Variants in ACSL1 observed in about 807,000 individuals in gnomAD.
ACSL1 encodes long-chain-fatty-acid--CoA ligase 1.
Under a neutral mutation model 98.4 loss-of-function variants are expected in ACSL1, and 41 were observed. That is an observed-to-expected ratio of 0.42 (90% CI 0.32 to 0.54). The LOEUF is 0.54. Ranked by LOEUF, ACSL1 falls within the 20% of genes least tolerant of loss-of-function variation. The probability of loss-of-function intolerance (pLI) is 0.13; values close to 1 mark genes in which losing one functional copy is unlikely to be tolerated. For missense variants in ACSL1, 734 were observed against 883.1 expected, an observed-to-expected ratio of 0.83 and a Z score of 2.14; for synonymous variants, 316 against 322.7, an observed-to-expected ratio of 0.98 and a Z score of 0.22.
chr4:184,760,133 A>T (rs1436745679), intron 18 of ACSL1, among the ~76,000 whole-genome samples: 1 of 152,156 alleles, frequency 6.6e-6, no homozygotes, highest in Non-Finnish European at 1.5e-5. Flanking sequence ...GGTACATCAG[A>T]CCTCTCTAAG....
chr4:184,821,031 A>T (rs1171278349), intron 1 of ACSL1: 1 of 456,122 alleles, frequency 2.2e-6, no homozygotes, highest in South Asian at 1.5e-5. Flanking sequence ...CTGTTCCTTT[A>T]TCTTGTGTAC....
Position 184,766,882 on chromosome 4 carries a change from T to C in ACSL1, c.1129-126A>G, listed in dbSNP as rs940224687. The C allele has an allele frequency of 2.7e-6, 3 of 1,117,370 alleles. No individual in the cohort carries two copies. Among genetic ancestry groups the C allele is most frequent in the Admixed American group, 2.7e-5 (1 of 37,220 alleles). 69.2% of individuals were successfully genotyped at this position (1,117,370 alleles called of 1,614,324 possible). Reference sequence around the variant, plus strand: ...AAATGGCACAGCTGCTCTGACAGCCTGGCCGGTCCTCTAACGGCCCCACAT... The same window carrying C: ...AAATGGCACAGCTGCTCTGACAGCCCGGCCGGTCCTCTAACGGCCCCACAT... On this transcript the variant is annotated intron_variant, in intron 12 of 20. Transcript: ENST00000281455. This position sits in a 1 kb window ranked among gnomAD's most constrained non-coding sequence, Gnocchi z 4.8.
rs189995873 is a variant in ACSL1, at chr4:184,779,949, C to T, written c.477+383G>A. 4.0e-3 allele frequency among the ~76,000 whole-genome samples: 607 copies of T among 151,784 alleles called. 3 individuals carry two copies. The highest frequency in any genetic ancestry group is 5.4e-3 in the Non-Finnish European group (366 of 67,906). ...GTGCAATGGCACAATCTTGGCTCAC[C>T]GCAACCTCTGCCTCCCGGATTCAAG... On this transcript the variant is annotated intron_variant, in intron 5 of 20. Transcript: ENST00000281455.
rs1561233965 is a variant in ACSL1 at position 184,803,300 on chromosome 4, AGGCTG to A, written c.195+15_195+19del. The A allele has an allele frequency of 1.3e-6, 2 of 1,532,032 alleles. No individual in the cohort carries two copies. The highest frequency in any genetic ancestry group is 2.8e-5 in the African/African-American group (2 of 72,320). The allele number at this position is 1,532,032 out of a possible 1,614,324, so 94.9% of individuals were successfully genotyped here. A position where few individuals can be genotyped will look rare whatever the true frequency, so the allele number is the denominator to read the frequency against. On this transcript the variant is annotated intron_variant, in intron 2 of 20. Coordinates refer to ENST00000281455, the MANE Select transcript of ACSL1 (RefSeq NM_001995.5). The surrounding 1 kb of genome is among the most constrained non-coding windows in gnomAD (Gnocchi z 4.8). Reference sequence around the variant, plus strand: ...GAAATGCGGAGAAAACGCACGAGGCAGGCTGGGCCCTCCACTCACCGCCACTTCCA... The same window carrying A: ...GAAATGCGGAGAAAACGCACGAGGCAGGCCCTCCACTCACCGCCACTTCCA...
At chr4:184,817,647 G>A (rs777585832) in intron 1 of ACSL1, among the ~76,000 whole-genome samples, 1 of 152,138 alleles carries the variant, frequency 6.6e-6, no homozygotes, top group Non-Finnish European at 1.5e-5. Flanking sequence ...GGAGGCAGAG[G>A]GACAGTGCCT....
chr4:184,811,189 A>C (rs978623605), intron 1 of ACSL1, among the ~76,000 whole-genome samples: 1 of 150,912 alleles, frequency 6.6e-6, no homozygotes, highest in Non-Finnish European at 1.5e-5. Flanking sequence ...GCTCACTGCA[A>C]GCTCCGCCTT....
chr4:184,804,308 G>A (rs371051572), intron 1 of ACSL1, among the ~76,000 whole-genome samples: 25 of 152,312 alleles, frequency 1.6e-4, no homozygotes, highest in African/African-American at 5.1e-4. Context: ...AGCCGGACGC[G>A]GTGGCTCATG....
chr4:184,801,537 T>A (rs1770520706), intron 2 of ACSL1, among the ~76,000 whole-genome samples: 1 of 152,222 alleles, frequency 6.6e-6, no homozygotes, highest in African/African-American at 2.4e-5. Flanking sequence ...GCCCTAGGTG[T>A]CCACAGGATG....
chr4:184,783,378 G>T (rs987992019), intron 4 of ACSL1, among the ~76,000 whole-genome samples: 2 of 152,146 alleles, frequency 1.3e-5, no homozygotes, highest in African/African-American at 4.8e-5. Context: ...CAGCTGCCTG[G>T]GGGTAAGTGT....
At chr4:184,771,363 T>C (rs1764486145) in intron 10 of ACSL1, among the ~76,000 whole-genome samples, 1 of 152,076 alleles carries the variant, frequency 6.6e-6, no homozygotes, top group Admixed American at 6.6e-5. Context: ...TTTTATGTTG[T>C]TAAGGGAAAG....
At chr4:184,782,124 C>T (rs1396147796) in intron 4 of ACSL1, among the ~76,000 whole-genome samples, 2 of 152,130 alleles carry the variant, frequency 1.3e-5, no homozygotes, top group South Asian at 2.1e-4. Context: ...CTACTCTCTC[C>T]TTCACAGACG....
At position 184,764,937 on chromosome 4, in the gene ACSL1, A is replaced by G. The variant is rs1455171224; in HGVS notation, c.1360-12T>C. 3 of 1,613,068 alleles carry G rather than the reference A, an allele frequency of 1.9e-6. No individual in the cohort carries two copies. In the East Asian group the frequency reaches 6.7e-5, roughly 36 times the overall value. On this transcript the variant is annotated splice_polypyrimidine_tract_variant and intron_variant, in intron 14 of 20. Transcript: ENST00000281455. ...TATCCTTCATAAAACTGGGGCACCAAGAGATGCAACATTATTAAGGAGAGC... is the reference window on the plus strand; with the variant it reads ...TATCCTTCATAAAACTGGGGCACCAGGAGATGCAACATTATTAAGGAGAGC...
At chr4:184,779,894 C>T (rs1347286603) in intron 5 of ACSL1, among the ~76,000 whole-genome samples, 16 of 141,070 alleles carry the variant, frequency 1.1e-4, no homozygotes, top group South Asian at 2.2e-4. Flanking sequence ...TTTTTTGAGA[C>T]GGAGTTTCGC....
chr4:184,778,052 G>T (rs1221103840), intron 5 of ACSL1, among the ~76,000 whole-genome samples: 1 of 152,204 alleles, frequency 6.6e-6, no homozygotes, highest in South Asian at 2.1e-4. Context: ...CTCTAGAAAA[G>T]TGCAGGAAAG....
chr4:184,820,313 G>A lies in ACSL1; in HGVS notation c.-33+5603C>T, dbSNP rs912588620. ...ATTACAGGCGTGAGCCACTGCACCC[G>A]GCCAGTCATGCGTCTCAATTGTTCT... is the stretch of plus-strand genomic sequence containing the variant. On this transcript the variant is annotated intron_variant, in intron 1 of 20. Coordinates refer to ENST00000281455, the MANE Select transcript of ACSL1 (RefSeq NM_001995.5). 2.8e-4 allele frequency among the ~76,000 whole-genome samples: 43 copies of A among 152,142 alleles called. 2 individuals are homozygous for A. The highest frequency in any genetic ancestry group is 2.9e-5 in the Non-Finnish European group (2 of 68,028).
At chr4:184,781,782 G>A (rs1561203932) in intron 4 of ACSL1, among the ~76,000 whole-genome samples, 1 of 152,016 alleles carries the variant, frequency 6.6e-6, no homozygotes, top group African/African-American at 2.4e-5. Context: ...GCTGATTTTT[G>A]TATTTTTCAG....
chr4:184,768,688 T>G lies in ACSL1; in HGVS notation c.994-238A>C, dbSNP rs901451609. 3.9e-5 allele frequency among the ~76,000 whole-genome samples: 6 copies of G among 152,224 alleles called. No individual in the cohort carries two copies. In the South Asian group the frequency reaches 1.2e-3, roughly 31 times the overall value. ...GGACTCAGTAAAAAACCAGGCTATG[T>G]TGTTTTTAGTGATGACCACAGAGGT... On this transcript the variant is annotated intron_variant, in intron 11 of 20. Coordinates refer to ENST00000281455, the MANE Select transcript of ACSL1 (RefSeq NM_001995.5).
chr4:184,763,093 T>G, intron 16 of ACSL1, 74 bp downstream of exon 16: 1 of 1,476,314 alleles, frequency 6.8e-7, no homozygotes, highest in African/African-American at 1.4e-5. Context: ...TGTTGGGAAA[T>G]ACCACAGCAT....
chr4:184,775,798 G>A (rs1400282061), intron 7 of ACSL1, among the ~76,000 whole-genome samples: 1 of 152,216 alleles, frequency 6.6e-6, no homozygotes, highest in African/African-American at 2.4e-5. Flanking sequence ...GAGAAGGACT[G>A]ACTCTGTTTT....
Sources: gnomAD v4.1 joint callset for allele counts (sites outside exome capture counted in the v4.1 genomes callset) on GRCh38, gnomAD v4.1.1 for gene constraint, Gnocchi (gnomAD v3.1) non-coding constraint, MANE v1.5 for transcripts, NCBI Gene and HGNC (gene_info 2026-07-23, HGNC 2026-07-21) for gene names.